Variants in SLC16A12 observed in about 807,000 individuals in gnomAD.
SLC16A12 encodes the protein monocarboxylate transporter 12.
SLC16A12 carries 17 observed loss-of-function variants against 42.4 expected under a neutral mutation model. The observed-to-expected ratio is 0.40, with a 90% CI of 0.27 to 0.60. SLC16A12 has a LOEUF of 0.60. Among genes scored for constraint, SLC16A12 ranks in the 20% least tolerant of loss-of-function variants. SLC16A12 has a pLI of 0.42. For missense variants in SLC16A12, 544 were observed against 623.0 expected, an observed-to-expected ratio of 0.87 and a Z score of 1.35; for synonymous variants, 224 against 229.4, an observed-to-expected ratio of 0.98 and a Z score of 0.21.
At chr10:89,470,972 G>A (rs1208837991) in intron 2 of SLC16A12, among the ~76,000 whole-genome samples, 1 of 152,030 alleles carries the variant, frequency 6.6e-6, no homozygotes, top group African/African-American at 2.4e-5. Flanking sequence ...TGAAGAAGGA[G>A]GAATAAACAC....
intron 2 of SLC16A12, among the ~76,000 whole-genome samples, chr10:89,522,649 A>G (rs1843375125): frequency 6.6e-6 from 1 of 152,070 alleles, no homozygotes; most frequent in Non-Finnish European, 1.5e-5. Flanking sequence ...AGTCTTAAGT[A>G]CTCCATGTGC....
At chr10:89,552,580 T>C (rs12784228) in intron 2 of SLC16A12, among the ~76,000 whole-genome samples, 14,670 of 152,226 alleles carry the variant, frequency 0.096, 746 homozygotes, top group Non-Finnish European at 0.11. Context: ...TTGTGGATGA[T>C]GAGAATTAGC....
intron 3 of SLC16A12, among the ~76,000 whole-genome samples, chr10:89,454,332 T>C (rs1842147323): frequency 6.6e-6 from 1 of 152,076 alleles, no homozygotes; most frequent in South Asian, 2.1e-4. Context: ...CTCAACATAT[T>C]AATATCTCTA....
intron 2 of SLC16A12, among the ~76,000 whole-genome samples, chr10:89,519,939 C>T (rs983076237): frequency 1.3e-5 from 2 of 152,052 alleles, no homozygotes; most frequent in South Asian, 4.2e-4. Flanking sequence ...ATGGTGAAAC[C>T]CTGTCTCTAC....
intron 5 of SLC16A12, 87 bp downstream of exon 5, chr10:89,441,021 G>T: frequency 6.5e-7 from 1 of 1,536,226 alleles, no homozygotes; most frequent in Non-Finnish European, 9.0e-7. Flanking sequence ...CTAACAAAAT[G>T]AATATTTTAT....
chr10:89,501,784 A>G (rs181025621), intron 2 of SLC16A12, among the ~76,000 whole-genome samples: 66 of 151,986 alleles, frequency 4.3e-4, no homozygotes, highest in Non-Finnish European at 8.4e-4. Context: ...AGGCTGTTGT[A>G]TTTTCTTCCT....
intron 2 of SLC16A12, 166 bp from the exon 3 acceptor site, chr10:89,462,790 T>A: frequency 1.4e-6 from 1 of 722,052 alleles, no homozygotes; most frequent in East Asian, 3.0e-5. Context: ...ACATGCTTTC[T>A]TTTTTAAAAA....
chr10:89,497,657 C>T (rs1232152584), intron 2 of SLC16A12, among the ~76,000 whole-genome samples: 2 of 152,068 alleles, frequency 1.3e-5, no homozygotes, highest in African/African-American at 4.8e-5. Flanking sequence ...GACTTCCAAT[C>T]TAGCATACAT....
intron 2 of SLC16A12, among the ~76,000 whole-genome samples, chr10:89,555,534 CGTAT>C (rs1250869602): frequency 8.2e-6 from 1 of 121,280 alleles, no homozygotes; most frequent in Non-Finnish European, 1.8e-5. Context: ...TGTATATATA[CGTAT>C]GTATGTATAT....
intron 2 of SLC16A12, among the ~76,000 whole-genome samples, chr10:89,541,799 A>AT (rs1457371795): frequency 2.0e-5 from 3 of 151,980 alleles, no homozygotes; most frequent in Non-Finnish European, 2.9e-5. Context: ...GACAATCAAA[A>AT]TTTTTTTCAG....
chr10:89,534,229 G>A (rs1357050020), intron 2 of SLC16A12, among the ~76,000 whole-genome samples: 1 of 152,168 alleles, frequency 6.6e-6, no homozygotes, highest in East Asian at 1.9e-4. Context: ...GGTGGAGGAT[G>A]TCAAACACCA....
At chr10:89,552,597 G>T (rs952742696) in intron 2 of SLC16A12, among the ~76,000 whole-genome samples, 4 of 152,152 alleles carry the variant, frequency 2.6e-5, no homozygotes, top group African/African-American at 4.8e-5. Context: ...TAGCTCTAAG[G>T]TCCCTTCCAA....
chr10:89,542,010 C>A (rs2133884786), intron 2 of SLC16A12, among the ~76,000 whole-genome samples: 1 of 152,120 alleles, frequency 6.6e-6, no homozygotes, highest in South Asian at 2.1e-4. Context: ...TGTGATATCC[C>A]AGGGGCGATA....
At chr10:89,472,261 A>G (rs931527244) in intron 2 of SLC16A12, among the ~76,000 whole-genome samples, 1 of 150,130 alleles carries the variant, frequency 6.7e-6, no homozygotes, top group Non-Finnish European at 1.5e-5. Flanking sequence ...AATAGATTCA[A>G]CACAACATGT....
intron 2 of SLC16A12, among the ~76,000 whole-genome samples, chr10:89,554,557 G>T (rs771532515): frequency 2.0e-5 from 3 of 152,214 alleles, no homozygotes; most frequent in Non-Finnish European, 4.4e-5. Flanking sequence ...ATTTGAGGTT[G>T]TGGGGAGATG....
At chr10:89,485,823 A>C (rs1445113551) in intron 2 of SLC16A12, among the ~76,000 whole-genome samples, 1 of 152,136 alleles carries the variant, frequency 6.6e-6, no homozygotes, top group Non-Finnish European at 1.5e-5. Flanking sequence ...TAAAGAAATT[A>C]ATTTAAGAGG....
intron 2 of SLC16A12, among the ~76,000 whole-genome samples, chr10:89,480,168 T>G (rs1415999042): frequency 1.3e-5 from 2 of 152,214 alleles, no homozygotes; most frequent in Non-Finnish European, 2.9e-5. Context: ...CCCTCAGTTA[T>G]ACTACTACTC....
At chr10:89,466,313 A>T (rs1236017148) in intron 2 of SLC16A12, among the ~76,000 whole-genome samples, 1 of 152,170 alleles carries the variant, frequency 6.6e-6, no homozygotes, top group Non-Finnish European at 1.5e-5. Flanking sequence ...TGCACTAGAA[A>T]CTATTCTAGG....
intron 2 of SLC16A12, among the ~76,000 whole-genome samples, chr10:89,467,819 CT>C: frequency 6.6e-6 from 1 of 152,176 alleles, no homozygotes; most frequent in Middle Eastern, 3.4e-3. Flanking sequence ...ACAAAAGTCT[CT>C]TTTTTATGGT....
Sources: gnomAD v4.1 joint callset for allele counts (sites outside exome capture counted in the v4.1 genomes callset) on GRCh38, gnomAD v4.1.1 for gene constraint, MANE v1.5 for transcripts, NCBI Gene and HGNC (gene_info 2026-07-23, HGNC 2026-07-21) for gene names.